MLLT10: variants seen among roughly 807,000 people sequenced by gnomAD.
MLLT10 encodes protein AF-10.
A neutral mutation model predicts 129.1 loss-of-function variants in MLLT10; 30 were observed. That is an observed-to-expected ratio of 0.23 (90% CI 0.17 to 0.32). The LOEUF is 0.32. Among genes scored for constraint, MLLT10 ranks in the 10% least tolerant of loss-of-function variants. The pLI, the probability that MLLT10 is intolerant of heterozygous loss-of-function variation, is 1.00. For synonymous variants in MLLT10, 490 were observed against 446.4 expected (o/e 1.10, Z -1.23); for missense variants, 1,119 against 1,268.3 (o/e 0.88, Z 1.79).
In MLLT10 at chr10:21,673,804, A is replaced by G. The variant is rs758424762; in HGVS notation, c.1506A>G (p.Ser502=). The change falls in exon 11 of 23, where the codon TCA becomes TCG. Residue 502 remains serine, a synonymous_variant. Transcript: ENST00000307729. ...HLSVSSASPT[S]SVASAAGSIT... ...CAGTTTCTTCTGCTTCACCAACATC[A>G]TCTGTAGCATCAGCTGCAGGAAGCA... is the stretch of plus-strand genomic sequence containing the variant. 2 of 1,614,184 alleles carry G rather than the reference A, an allele frequency of 1.2e-6. No individual in the cohort carries two copies. Among genetic ancestry groups the G allele is most frequent in the Non-Finnish European group, 8.5e-7 (1 of 1,180,016 alleles).
At chr10:21,650,638 C>T (rs148521214) in intron 8 of MLLT10, among the ~76,000 whole-genome samples, 2,125 of 151,990 alleles carry the variant, frequency 0.014, 20 homozygotes, top group Non-Finnish European at 0.022. Context: ...TAAACAAATT[C>T]GATGAACTCT....
chr10:21,695,438 G>GGATA, intron 13 of MLLT10, among the ~76,000 whole-genome samples: 1 of 151,978 alleles, frequency 6.6e-6, no homozygotes. Flanking sequence ...AATAACCAGG[G>GGATA]GATAGCAAAC....
intron 10 of MLLT10, among the ~76,000 whole-genome samples, chr10:21,672,179 G>C (rs1048832044): frequency 2.0e-5 from 3 of 148,920 alleles, no homozygotes; most frequent in Non-Finnish European, 4.5e-5. Flanking sequence ...GTGTGTGTGT[G>C]TGTGTGTGTG....
At chr10:21,672,209 G>GTGTGTA (rs1564621037) in intron 10 of MLLT10, among the ~76,000 whole-genome samples, 2 of 149,876 alleles carry the variant, frequency 1.3e-5, no homozygotes, top group African/African-American at 4.9e-5. Flanking sequence ...GTGTGTGTGT[G>GTGTGTA]TATTTTGAGA....
intron 3 of MLLT10, among the ~76,000 whole-genome samples, chr10:21,566,875 A>G (rs985170208): frequency 4.6e-5 from 7 of 151,726 alleles, no homozygotes; most frequent in African/African-American, 1.5e-4. Context: ...GTGCAATGGC[A>G]TGATCTCGGC....
At chr10:21,715,300 T>C (rs2056453663) in intron 14 of MLLT10, among the ~76,000 whole-genome samples, 1 of 152,196 alleles carries the variant, frequency 6.6e-6, no homozygotes, top group African/African-American at 2.4e-5. Flanking sequence ...AGAAAAGCAA[T>C]GGCATGATTA....
At chr10:21,633,785 C>G (rs1245635540) in intron 8 of MLLT10, among the ~76,000 whole-genome samples, 1 of 152,082 alleles carries the variant, frequency 6.6e-6, no homozygotes, top group Non-Finnish European at 1.5e-5. Context: ...GAAGTTGATT[C>G]TATATAGCCA....
intron 9 of MLLT10, among the ~76,000 whole-genome samples, chr10:21,669,456 A>G (rs1363687005): frequency 6.6e-6 from 1 of 152,092 alleles, no homozygotes; most frequent in Admixed American, 6.6e-5. Context: ...TCACTTTTGC[A>G]TATTTTCAGA....
chr10:21,546,844 C>T (rs1438189274), intron 3 of MLLT10, among the ~76,000 whole-genome samples: 2 of 152,080 alleles, frequency 1.3e-5, no homozygotes. Context: ...TGTCCTGCCT[C>T]AGCCTCCCAA....
intron 11 of MLLT10, among the ~76,000 whole-genome samples, chr10:21,679,565 A>G (rs575381904): frequency 2.0e-5 from 3 of 152,320 alleles, no homozygotes; most frequent in East Asian, 3.9e-4. Context: ...TAGGATATAA[A>G]TAACTCCCAC....
chr10:21,544,454 C>G (rs894312163), intron 3 of MLLT10, among the ~76,000 whole-genome samples: 4 of 152,134 alleles, frequency 2.6e-5, no homozygotes, highest in Non-Finnish European at 4.4e-5. Flanking sequence ...GGATAGCTAA[C>G]TTCTCAGGGA....
At chr10:21,610,829 T>C (rs1340311543) in intron 5 of MLLT10, among the ~76,000 whole-genome samples, 1 of 151,902 alleles carries the variant, frequency 6.6e-6, no homozygotes, top group Non-Finnish European at 1.5e-5. Flanking sequence ...CAAAAATGCA[T>C]GCTAAATTCT....
At chr10:21,605,342 T>C (rs1453501364) in intron 5 of MLLT10, among the ~76,000 whole-genome samples, 1 of 152,176 alleles carries the variant, frequency 6.6e-6, no homozygotes, top group East Asian at 1.9e-4. Flanking sequence ...TGCATCATGG[T>C]GGTAAAGTTG....
chr10:21,596,921 T>C (rs529431182), intron 5 of MLLT10, among the ~76,000 whole-genome samples: 2 of 152,292 alleles, frequency 1.3e-5, no homozygotes, highest in East Asian at 3.9e-4. Context: ...TAATTTTTTG[T>C]AATGCAGAAG....
intron 3 of MLLT10, among the ~76,000 whole-genome samples, chr10:21,580,636 T>G (rs2041315255): frequency 6.6e-6 from 1 of 152,092 alleles, no homozygotes. Context: ...GTGATCTGCC[T>G]GCCTCGGCCT....
chr10:21,592,170 T>G (rs2131117259), intron 4 of MLLT10, among the ~76,000 whole-genome samples: 1 of 152,344 alleles, frequency 6.6e-6, no homozygotes, highest in East Asian at 1.9e-4. Context: ...AGTGGTCATT[T>G]GTATTGTAAA....
intron 13 of MLLT10, among the ~76,000 whole-genome samples, chr10:21,711,719 T>C (rs558001516): frequency 1.3e-5 from 2 of 152,192 alleles, no homozygotes; most frequent in East Asian, 3.9e-4. Context: ...CACTCCAGCA[T>C]AGGTGAGAGA....
chr10:21,711,899 G>C (rs1161884196), intron 13 of MLLT10, among the ~76,000 whole-genome samples: 1 of 152,138 alleles, frequency 6.6e-6, no homozygotes, highest in African/African-American at 2.4e-5. Flanking sequence ...CTGTCATAGT[G>C]CTCTCCACAA....
At chr10:21,686,930 G>T (rs2053357352) in intron 13 of MLLT10, among the ~76,000 whole-genome samples, 2 of 152,064 alleles carry the variant, frequency 1.3e-5, no homozygotes, top group African/African-American at 4.8e-5. Context: ...TTGCAGTGAG[G>T]TGAGATCGCG....
Sources: allele counts gnomAD v4.1 joint callset (sites outside exome capture counted in the v4.1 genomes callset), GRCh38; gene constraint gnomAD v4.1.1; transcripts MANE v1.5; gene names NCBI Gene and HGNC (gene_info 2026-07-23, HGNC 2026-07-21).